Variants in FRMD3 observed in about 807,000 individuals in gnomAD.
FRMD3 encodes FERM domain-containing protein 3.
Under a neutral mutation model 70.2 loss-of-function variants are expected in FRMD3, and 33 were observed. That is an observed-to-expected ratio of 0.47 (90% CI 0.36 to 0.63). FRMD3 has a LOEUF of 0.63. Among genes scored for constraint, FRMD3 ranks in the 20% least tolerant of loss-of-function variants. The pLI is 0.00. For missense variants in FRMD3, 632 were observed against 711.4 expected (o/e 0.89, Z 1.27); for synonymous variants, 279 against 255.9 (o/e 1.09, Z -0.86).
chr9:83,525,749 G>T (rs1462880517), intron 1 of FRMD3, among the ~76,000 whole-genome samples: 1 of 152,142 alleles, frequency 6.6e-6, no homozygotes, highest in East Asian at 1.9e-4. Flanking sequence ...TGACAACCCT[G>T]GTGTGGCTGC....
At chr9:83,303,850 AG>A (rs1257841804) in intron 10 of FRMD3, among the ~76,000 whole-genome samples, 2 of 152,230 alleles carry the variant, frequency 1.3e-5, no homozygotes, top group African/African-American at 4.8e-5. Flanking sequence ...CACCTCCAAA[AG>A]AAACCACCTG....
At chr9:83,377,953 G>A (rs1003737916) in intron 2 of FRMD3, among the ~76,000 whole-genome samples, 20 of 152,148 alleles carry the variant, frequency 1.3e-4, no homozygotes, top group African/African-American at 4.6e-4. Context: ...ATGATAGGCA[G>A]ATATCAAACC....
chr9:83,549,629 A>G, the FRMD3 span, among the ~76,000 whole-genome samples: 25 of 152,114 alleles, frequency 1.6e-4, 1 homozygote, highest in South Asian at 1.9e-3. Flanking sequence ...TTGACTTTTT[A>G]ATAATAGCCA....
intron 1 of FRMD3, among the ~76,000 whole-genome samples, chr9:83,427,319 C>A (rs1326267035): frequency 6.6e-6 from 1 of 152,204 alleles, no homozygotes. Flanking sequence ...TCCCCTCTGG[C>A]CCTGTCACAA....
downstream of FRMD3, chr9:83,243,028 C>T: frequency 1.6e-6 from 1 of 643,490 alleles, no homozygotes; most frequent in Non-Finnish European, 2.8e-6. Flanking sequence ...GATTGGAGAG[C>T]ACAGCTGGGA....
intron 1 of FRMD3, among the ~76,000 whole-genome samples, chr9:83,413,525 A>G (rs1269443930): frequency 6.6e-6 from 1 of 152,212 alleles, no homozygotes; most frequent in Non-Finnish European, 1.5e-5. Flanking sequence ...CATGGATCCT[A>G]CTTTTAGTAA....
chr9:83,538,304 C>G lies in FRMD3; in HGVS notation c.-73G>C. 1 of 1,462,584 alleles carries G rather than the reference C, an allele frequency of 6.8e-7. No individual in the cohort carries two copies. The highest frequency in any genetic ancestry group is 9.2e-7 in the Non-Finnish European group (1 of 1,090,408). 90.6% of individuals were successfully genotyped at this position (1,462,584 alleles called of 1,614,324 possible). A position where few individuals can be genotyped will look rare whatever the true frequency, so the allele number is the denominator to read the frequency against. On this transcript the variant is annotated 5_prime_UTR_variant, in exon 1 of 14. Coordinates refer to ENST00000304195, the MANE Select transcript of FRMD3 (RefSeq NM_174938.6). This position sits in a 1 kb window ranked among gnomAD's most constrained non-coding sequence, Gnocchi z 4.7. Reference sequence around the variant, plus strand: ...GCTCGCCTGCGCGGACACACACGCTCGCACGCACTGTCCGGGACACCTGGG... The same window carrying G: ...GCTCGCCTGCGCGGACACACACGCTGGCACGCACTGTCCGGGACACCTGGG...
At chr9:83,268,751 CCATTT>C (rs1765539278) in intron 13 of FRMD3, among the ~76,000 whole-genome samples, 1 of 152,188 alleles carries the variant, frequency 6.6e-6, no homozygotes, top group Non-Finnish European at 1.5e-5. Flanking sequence ...GTGGGGCAGG[CCATTT>C]CCAGGGACCT....
intron 1 of FRMD3, among the ~76,000 whole-genome samples, chr9:83,471,506 C>A (rs1356941922): frequency 6.6e-6 from 1 of 152,100 alleles, no homozygotes; most frequent in African/African-American, 2.4e-5. Context: ...GTGGGTGGGA[C>A]ACCGGCTTGG....
the FRMD3 span, among the ~76,000 whole-genome samples, chr9:83,553,444 T>C: frequency 6.6e-6 from 1 of 152,216 alleles, no homozygotes; most frequent in Non-Finnish European, 1.5e-5. Flanking sequence ...CTGAAGATTA[T>C]GTGTCTTGGG....
intron 3 of FRMD3, among the ~76,000 whole-genome samples, chr9:83,361,402 T>C (rs1459856698): frequency 1.3e-5 from 2 of 152,144 alleles, no homozygotes; most frequent in Admixed American, 6.5e-5. Context: ...ATTAGACAAG[T>C]AGGTTATACG....
chr9:83,350,083 A>T (rs1319423748), intron 3 of FRMD3, among the ~76,000 whole-genome samples: 1 of 152,018 alleles, frequency 6.6e-6, no homozygotes, highest in Non-Finnish European at 1.5e-5. Flanking sequence ...TTCTCTTCTG[A>T]TTCTTCCCAC....
intron 13 of FRMD3, among the ~76,000 whole-genome samples, chr9:83,265,101 A>G (rs547358445): frequency 6.6e-6 from 1 of 152,294 alleles, no homozygotes; most frequent in South Asian, 2.1e-4. Flanking sequence ...CTCTGTGCAT[A>G]TAAAAAGTGC....
chr9:83,554,008 A>G, the FRMD3 span, among the ~76,000 whole-genome samples: 11 of 152,160 alleles, frequency 7.2e-5, no homozygotes, highest in Non-Finnish European at 1.0e-4. Context: ...ACTGCAGTGT[A>G]GATTAAGTAC....
intron 1 of FRMD3, among the ~76,000 whole-genome samples, chr9:83,531,190 G>A (rs1006166585): frequency 1.3e-5 from 2 of 152,160 alleles, no homozygotes; most frequent in Non-Finnish European, 2.9e-5. Context: ...GAACCCCAGA[G>A]AAACAGAGCC....
At chr9:83,447,605 C>T (rs961222778) in intron 1 of FRMD3, among the ~76,000 whole-genome samples, 4 of 152,156 alleles carry the variant, frequency 2.6e-5, no homozygotes, top group African/African-American at 4.8e-5. Flanking sequence ...ACCCGGCCAC[C>T]GATGACAGCC....
intron 1 of FRMD3, among the ~76,000 whole-genome samples, chr9:83,393,768 T>A (rs1825734189): frequency 4.6e-5 from 7 of 152,056 alleles, no homozygotes. Flanking sequence ...CTGCGAGGGA[T>A]GGGGAGCAGC....
rs1387662160 is a variant in FRMD3 at position 83,246,351 on chromosome 9, C to T, written c.*1567G>A. 5 of 981,720 alleles carry T rather than the reference C, an allele frequency of 5.1e-6. No homozygotes were observed. The highest frequency in any genetic ancestry group is 1.1e-4 in the East Asian group (1 of 8,732). 60.8% of individuals were successfully genotyped at this position (981,720 alleles called of 1,614,324 possible). A position where few individuals can be genotyped will look rare whatever the true frequency, so the allele number is the denominator to read the frequency against. ...TAGTCTGCATGGGAAGGCATCAGTA[C>T]GTTGCTGATGGTACAATGCTCTAGT... On this transcript the variant is annotated 3_prime_UTR_variant, in exon 14 of 14. Coordinates refer to ENST00000304195, the MANE Select transcript of FRMD3 (RefSeq NM_174938.6).
At chr9:83,581,719 C>T in the FRMD3 span, among the ~76,000 whole-genome samples, 19 of 152,096 alleles carry the variant, frequency 1.2e-4, no homozygotes, top group Non-Finnish European at 2.4e-4. Flanking sequence ...CCCAAATGTT[C>T]GTCAGCGGAT....
Sources: gnomAD v4.1 joint callset for allele counts (sites outside exome capture counted in the v4.1 genomes callset) on GRCh38, gnomAD v4.1.1 for gene constraint, Gnocchi (gnomAD v3.1) non-coding constraint, MANE v1.5 for transcripts, NCBI Gene and HGNC (gene_info 2026-07-23, HGNC 2026-07-21) for gene names.